DIAPH2: variants seen among roughly 807,000 people sequenced by gnomAD.
DIAPH2 encodes the protein protein diaphanous homolog 2.
A neutral mutation model predicts 92.7 loss-of-function variants in DIAPH2; 35 were observed. The ratio of observed to expected loss-of-function variants is 0.38; its 90% CI spans 0.29 to 0.50. The LOEUF (loss-of-function observed/expected upper bound fraction) is 0.50. Among genes scored for constraint, DIAPH2 ranks in the 20% least tolerant of loss-of-function variants. DIAPH2 has a pLI of 0.94. For synonymous variants in DIAPH2, 301 were observed against 280.4 expected (o/e 1.07, Z -0.73); for missense variants, 701 against 819.5 (o/e 0.86, Z 1.77).
chrX:97,494,596 C>T lies in DIAPH2; in HGVS notation c.3241+64851C>T, dbSNP rs1278472031. Among the ~76,000 whole-genome samples, 4 of 112,046 alleles carry T rather than the reference C, an allele frequency of 3.6e-5. No individual in the cohort carries two copies. The Admixed American group carries it at 3.8e-4, about 11-fold the overall frequency. ...GGTGTCTGCACATTTGAGGAAGCAG[C>T]CACCCTTCCCATTCTTTCTGGACTT... On this transcript the variant is annotated intron_variant, in intron 26 of 26. Coordinates refer to ENST00000324765, the MANE Select transcript of DIAPH2 (RefSeq NM_006729.5).
intron 17 of DIAPH2, among the ~76,000 whole-genome samples, chrX:97,026,294 C>G (rs1234242768): frequency 9.0e-6 from 1 of 111,644 alleles, no homozygotes; most frequent in Non-Finnish European, 1.9e-5. Context: ...AGTTCTGTTG[C>G]CATTTGGTTA....
At chrX:97,081,287 C>T (rs1357069586) in intron 19 of DIAPH2, among the ~76,000 whole-genome samples, 1 of 110,058 alleles carries the variant, frequency 9.1e-6, no homozygotes, top group Non-Finnish European at 1.9e-5. Flanking sequence ...CTTTTATTGA[C>T]GTTTCCTTTG....
At chrX:96,787,865 C>CTT (rs200553222) in intron 4 of DIAPH2, among the ~76,000 whole-genome samples, 1 of 98,056 alleles carries the variant, frequency 1.0e-5, no homozygotes. Context: ...TAATTTTTTT[C>CTT]TTTTTTTTTT....
At chrX:97,020,235 C>T (rs183501625) in intron 17 of DIAPH2, among the ~76,000 whole-genome samples, 30 of 112,183 alleles carry the variant, frequency 2.7e-4, no homozygotes, top group African/African-American at 8.7e-4. Context: ...TAAATAAGCC[C>T]TTGCTTGCGC....
intron 23 of DIAPH2, among the ~76,000 whole-genome samples, chrX:97,337,027 A>G (rs1308325540): frequency 9.0e-6 from 1 of 111,252 alleles, no homozygotes; most frequent in African/African-American, 3.3e-5. Context: ...TACCTCCTCT[A>G]TGTTAAAAAC....
At chrX:97,209,785 G>A (rs1455115108) in intron 22 of DIAPH2, among the ~76,000 whole-genome samples, 1 of 110,345 alleles carries the variant, frequency 9.1e-6, no homozygotes, top group Non-Finnish European at 1.9e-5. Flanking sequence ...TATTAATTGA[G>A]TCTATCGGAA....
chrX:96,767,783 T>C, intron 4 of DIAPH2, among the ~76,000 whole-genome samples: 1 of 112,067 alleles, frequency 8.9e-6, no homozygotes, highest in South Asian at 3.7e-4. Context: ...CTATTTGTTA[T>C]GTGGTGTGGA....
chrX:96,989,600 A>G (rs2066055124), intron 17 of DIAPH2, among the ~76,000 whole-genome samples: 1 of 112,084 alleles, frequency 8.9e-6, no homozygotes, highest in African/African-American at 3.2e-5. Context: ...ATTGCATTCT[A>G]TAAGATAATG....
chrX:97,313,665 G>T (rs2068815990), intron 23 of DIAPH2, among the ~76,000 whole-genome samples: 1 of 110,513 alleles, frequency 9.0e-6, no homozygotes, highest in African/African-American at 3.3e-5. Context: ...TTGAGACAGA[G>T]TCTCCCTCTC....
At chrX:97,133,309 C>G (rs1042715670) in intron 21 of DIAPH2, among the ~76,000 whole-genome samples, 1 of 109,637 alleles carries the variant, frequency 9.1e-6, no homozygotes, top group Admixed American at 9.8e-5. Flanking sequence ...TTCTTTGAGA[C>G]GGAGTTTCGC....
At chrX:97,334,380 G>A (rs1195122374) in intron 23 of DIAPH2, among the ~76,000 whole-genome samples, 2 of 107,251 alleles carry the variant, frequency 1.9e-5, no homozygotes, top group African/African-American at 3.4e-5. Context: ...GGAGAATGGC[G>A]TGAACCCGGG....
At chrX:97,568,115 CAAAAAAA>C (rs59273565) in intron 26 of DIAPH2, among the ~76,000 whole-genome samples, 392 of 30,091 alleles carry the variant, frequency 0.013, 4 homozygotes, top group African/African-American at 0.061. Flanking sequence ...GACTCCATCT[CAAAAAAA>C]AAAAAAAAAA....
intron 25 of DIAPH2, among the ~76,000 whole-genome samples, chrX:97,417,255 A>C (rs1319838711): frequency 9.0e-6 from 1 of 111,400 alleles, no homozygotes; most frequent in Non-Finnish European, 1.9e-5. Flanking sequence ...AAAAGCAAAA[A>C]TATATAATAT....
chrX:96,691,832 G>A (rs755670242), intron 1 of DIAPH2, among the ~76,000 whole-genome samples: 68 of 111,771 alleles, frequency 6.1e-4, no homozygotes, highest in Non-Finnish European at 1.1e-3. Flanking sequence ...GGCCTAGGTA[G>A]GAATCCAACA....
intron 22 of DIAPH2, among the ~76,000 whole-genome samples, chrX:97,207,278 C>T (rs190106908): frequency 3.2e-4 from 36 of 111,882 alleles, no homozygotes; most frequent in South Asian, 7.4e-4. Context: ...ATGTTTACAG[C>T]GTTCAATTGA....
At chrX:96,984,246 G>C (rs1274106629) in intron 17 of DIAPH2, among the ~76,000 whole-genome samples, 2 of 111,568 alleles carry the variant, frequency 1.8e-5, no homozygotes, top group Non-Finnish European at 3.8e-5. Flanking sequence ...TAGACTAGGA[G>C]TAAGAAGCAA....
chrX:97,244,232 T>C (rs1383893901), intron 22 of DIAPH2, among the ~76,000 whole-genome samples: 1 of 111,936 alleles, frequency 8.9e-6, no homozygotes, highest in Non-Finnish European at 1.9e-5. Flanking sequence ...AATGCAACTT[T>C]AGAGTAAAAG....
At chrX:96,887,255 G>A (rs914564498) in intron 5 of DIAPH2, among the ~76,000 whole-genome samples, 1 of 111,687 alleles carries the variant, frequency 9.0e-6, no homozygotes, top group Admixed American at 9.5e-5. Context: ...CATGTTAAAG[G>A]TAGCAGATTT....
Position 96,884,881 on chromosome X carries a change from G to A in DIAPH2, c.587+3163G>A, listed in dbSNP as rs748929447. ...GTCTCCATCAGAAGTGAATGATGCT[G>A]GGGATAACGATGAGAGTCACCGCAA... is the stretch of plus-strand genomic sequence containing the variant. On this transcript the variant is annotated intron_variant, in intron 5 of 26. Transcript: ENST00000324765. 5.0e-6 allele frequency: 6 copies of A among 1,210,909 alleles called. No homozygotes were observed. In the East Asian group the frequency reaches 1.8e-4, roughly 36 times the overall value.
Sources: gnomAD v4.1 joint callset for allele counts (sites outside exome capture counted in the v4.1 genomes callset) on GRCh38, gnomAD v4.1.1 for gene constraint, MANE v1.5 for transcripts, NCBI Gene and HGNC (gene_info 2026-07-23, HGNC 2026-07-21) for gene names.